SAFB2: variants seen among roughly 807,000 people sequenced by gnomAD.
SAFB2 encodes scaffold attachment factor B2.
SAFB2 carries 32 observed loss-of-function variants against 100.6 expected under a neutral mutation model. The ratio of observed to expected loss-of-function variants is 0.32; its 90% CI spans 0.24 to 0.43. SAFB2 has a LOEUF of 0.43. SAFB2 is among the 20% of genes least tolerant of loss of function. The pLI, the probability that SAFB2 is intolerant of heterozygous loss-of-function variation, is 1.00. For synonymous variants in SAFB2, 500 were observed against 439.4 expected (o/e 1.14, Z -1.72); for missense variants, 1,185 against 1,163.4 (o/e 1.02, Z -0.27).
chr19:5,621,720 G>A (rs758620562), intron 1 of SAFB2, among the ~76,000 whole-genome samples: 4 of 152,232 alleles, frequency 2.6e-5, no homozygotes, highest in Non-Finnish European at 5.9e-5. Context: ...AATTAGAACA[G>A]AGAGGCTGCA....
intron 9 of SAFB2, among the ~76,000 whole-genome samples, chr19:5,607,682 G>A (rs942301102): frequency 3.3e-5 from 5 of 152,246 alleles, no homozygotes; most frequent in African/African-American, 9.6e-5. Context: ...CACCACTGGC[G>A]CGCAGAGTAA....
rs371479617 is a variant in SAFB2 at position 5,598,664 on chromosome 19, C to A, written c.1782+129G>T. 1.6e-5 allele frequency: 12 copies of A among 750,390 alleles called. No homozygotes were observed. The East Asian group carries it at 2.1e-4, about 13-fold the overall frequency. The allele number at this position is 750,390 out of a possible 1,614,324, so 46.5% of individuals were successfully genotyped here. ...TGTGTGTCTGTATCCGCAATCTACA[C>A]AATTATCGCGCCTCCTACAAACTTC... is the stretch of plus-strand genomic sequence containing the variant. On this transcript the variant is annotated intron_variant, in intron 13 of 20. Transcript: ENST00000252542.
Position 5,587,079 on chromosome 19 carries a change from ACATTT to A in SAFB2, c.*159_*163del, listed in dbSNP as rs2052265623. 2 of 876,886 alleles carry A rather than the reference ACATTT, an allele frequency of 2.3e-6. No homozygotes were observed. The highest frequency in any genetic ancestry group is 3.5e-6 in the Non-Finnish European group (2 of 573,620). 54.3% of individuals were successfully genotyped at this position (876,886 alleles called of 1,614,324 possible). A position where few individuals can be genotyped will look rare whatever the true frequency, so the allele number is the denominator to read the frequency against. ...GATTTAAAAATGGCAGAACAAGAAC[ACATTT>A]ATTTAAAAAAAAAAAAAAAGTGAGT... is the stretch of plus-strand genomic sequence containing the variant. On this transcript the variant is annotated 3_prime_UTR_variant, in exon 21 of 21. Coordinates refer to ENST00000252542, the MANE Select transcript of SAFB2 (RefSeq NM_014649.3). The surrounding 1 kb of genome is among the most constrained non-coding windows in gnomAD (Gnocchi z 4.9).
Position 5,587,067 on chromosome 19 carries a change from C to T in SAFB2, c.*176G>A. ...AACAGAAACCTTGATTTAAAAATGGCAGAACAAGAACACATTTATTTAAAA... is the reference window on the plus strand; with the variant it reads ...AACAGAAACCTTGATTTAAAAATGGTAGAACAAGAACACATTTATTTAAAA... On this transcript the variant is annotated 3_prime_UTR_variant, in exon 21 of 21. Coordinates refer to ENST00000252542, the MANE Select transcript of SAFB2 (RefSeq NM_014649.3). This position sits in a 1 kb window ranked among gnomAD's most constrained non-coding sequence, Gnocchi z 4.9. The T allele has an allele frequency of 1.2e-6, 1 of 807,398 alleles. No individual in the cohort carries two copies. Among genetic ancestry groups the T allele is most frequent in the South Asian group, 2.1e-5 (1 of 47,378 alleles). 50.0% of individuals were successfully genotyped at this position (807,398 alleles called of 1,614,324 possible).
intron 9 of SAFB2, among the ~76,000 whole-genome samples, chr19:5,609,051 C>CAAAA (rs60419324): frequency 2.3e-4 from 17 of 72,668 alleles, no homozygotes; most frequent in Non-Finnish European, 3.5e-4. Context: ...GACGCAGTCT[C>CAAAA]AAAAAAAAAA....
chr19:5,587,162 A>G lies in SAFB2; in HGVS notation c.*81T>C, dbSNP rs1319543767. 1 of 1,562,562 alleles carries G rather than the reference A, an allele frequency of 6.4e-7. No homozygotes were observed. The highest frequency in any genetic ancestry group is 1.2e-5 in the South Asian group (1 of 86,446). ...GGCAGGATTTACTTTGCTTTTAAAAAGATCCCCCAAGTTCGAGGGAACCCT... is the reference window on the plus strand; with the variant it reads ...GGCAGGATTTACTTTGCTTTTAAAAGGATCCCCCAAGTTCGAGGGAACCCT... On this transcript the variant is annotated 3_prime_UTR_variant, in exon 21 of 21. Coordinates refer to ENST00000252542, the MANE Select transcript of SAFB2 (RefSeq NM_014649.3). This position sits in a 1 kb window ranked among gnomAD's most constrained non-coding sequence, Gnocchi z 4.9.
At chr19:5,592,630 GA>G in intron 16 of SAFB2, 116 bp downstream of exon 16, 1 of 1,172,810 alleles carries the variant, frequency 8.5e-7, no homozygotes, top group South Asian at 1.5e-5. Context: ...GTGGATCTCA[GA>G]AGTAAACGAG....
At chr19:5,614,926 A>T (rs893139318) in intron 4 of SAFB2, among the ~76,000 whole-genome samples, 1 of 152,176 alleles carries the variant, frequency 6.6e-6, no homozygotes. Context: ...AACAACATTA[A>T]CAGGCTAGGC....
intron 9 of SAFB2, among the ~76,000 whole-genome samples, chr19:5,606,047 G>A (rs2052767748): frequency 6.6e-6 from 1 of 151,632 alleles, no homozygotes; most frequent in African/African-American, 2.4e-5. Flanking sequence ...GAACAATCAG[G>A]AGCAGAGGGA....
intron 2 of SAFB2, 71 bp downstream of exon 2, chr19:5,621,238 G>C: frequency 9.9e-7 from 1 of 1,007,330 alleles, no homozygotes; most frequent in Non-Finnish European, 1.6e-6. Flanking sequence ...TAGAAGGCGG[G>C]AAGAGCACAC....
rs1204173230 is a variant in SAFB2 at position 5,622,679 on chromosome 19, G to C, written c.37C>G (p.Pro13Ala). The C allele has an allele frequency of 3.7e-6, 6 of 1,606,436 alleles. No homozygotes were observed. In the South Asian group the frequency reaches 5.5e-5, roughly 15 times the overall value. The change falls in exon 1 of 21, where the codon CCT (proline) becomes GCT (alanine). Residue 13 changes from proline to alanine, a missense_variant. This residue lies in a region of SAFB2 where 351 missense variants were observed against 341.2 expected (regional missense o/e 1.03). Transcript: ENST00000252542. The stretch of plus-strand genomic sequence containing the variant: ...CCCGGGCCGAGAGAAGCCGTGCCAG[G>C]GCCCGAGTCGCCCGACCCGGGCAGA... Reference protein sequence around the residue: ...ETLPGSGDSGPGTASLGPGVA... With the variant: ...ETLPGSGDSGAGTASLGPGVA...
chr19:5,610,862 AG>A (rs1475334131), intron 7 of SAFB2, 174 bp from the exon 8 acceptor site: 13 of 759,200 alleles, frequency 1.7e-5, no homozygotes, highest in Non-Finnish European at 6.2e-6. Context: ...ATACAATGTC[AG>A]ATTTGTAAAA....
At chr19:5,592,447 AAC>A (rs1335663562) in intron 16 of SAFB2, among the ~76,000 whole-genome samples, 1 of 152,170 alleles carries the variant, frequency 6.6e-6, no homozygotes, top group African/African-American at 2.4e-5. Context: ...TGTGCTGACA[AAC>A]ACTGCTGCCT....
At chr19:5,606,423 C>T (rs1453330172) in intron 9 of SAFB2, among the ~76,000 whole-genome samples, 1 of 152,118 alleles carries the variant, frequency 6.6e-6, no homozygotes, top group Non-Finnish European at 1.5e-5. Context: ...GCCAGGTGTT[C>T]AAAACCAGCC....
In SAFB2 at chr19:5,587,175, T is replaced by C; in HGVS notation, c.*68A>G. 6.3e-7 allele frequency: 1 copy of C among 1,581,288 alleles called. No individual in the cohort carries two copies. Among genetic ancestry groups the C allele is most frequent in the African/African-American group, 1.3e-5 (1 of 74,206 alleles). ...TTGCTTTTAAAAAGATCCCCCAAGTTCGAGGGAACCCTGGCTACCAGATTC... is the reference window on the plus strand; with the variant it reads ...TTGCTTTTAAAAAGATCCCCCAAGTCCGAGGGAACCCTGGCTACCAGATTC... On this transcript the variant is annotated 3_prime_UTR_variant, in exon 21 of 21. Coordinates refer to ENST00000252542, the MANE Select transcript of SAFB2 (RefSeq NM_014649.3). This position sits in a 1 kb window ranked among gnomAD's most constrained non-coding sequence, Gnocchi z 4.9.
chr19:5,621,854 G>A (rs781001733), intron 1 of SAFB2, among the ~76,000 whole-genome samples: 2 of 152,208 alleles, frequency 1.3e-5, no homozygotes, highest in Non-Finnish European at 2.9e-5. Flanking sequence ...GTACCCACAA[G>A]CTCCCTCCCT....
At chr19:5,612,386 C>T (rs892476114) in intron 6 of SAFB2, 154 bp downstream of exon 6, 9 of 712,292 alleles carry the variant, frequency 1.3e-5, no homozygotes, top group South Asian at 5.1e-5. Flanking sequence ...TCTGGTGATA[C>T]GAATGGGTTT....
In SAFB2 at chr19:5,598,848, T is replaced by C. The variant is rs1254634176; in HGVS notation, c.1727A>G (p.Lys576Arg). The change falls in exon 13 of 21, where the codon AAA (lysine) becomes AGA (arginine). Residue 576 changes from lysine (K) to arginine (R), a missense_variant. Lys to Arg is a conservative substitution (Grantham distance 26, BLOSUM62 2). Transcript: ENST00000252542. ...GCTAATGACGGGCTCTCCTTTCGAT[T>C]TATCCATCACGACCGTCCGCTCCAT... is the stretch of plus-strand genomic sequence containing the variant. Reference protein sequence around the residue: ...RGMERTVVMDKSKGEPVISVK... With the variant: ...RGMERTVVMDRSKGEPVISVK... 3 of 1,614,028 alleles carry C rather than the reference T, an allele frequency of 1.9e-6. No individual in the cohort carries two copies. The highest frequency in any genetic ancestry group is 1.7e-6 in the Non-Finnish European group (2 of 1,180,042).
intron 11 of SAFB2, among the ~76,000 whole-genome samples, chr19:5,600,875 T>C (rs2052641380): frequency 6.6e-6 from 1 of 152,186 alleles, no homozygotes; most frequent in Non-Finnish European, 1.5e-5. Flanking sequence ...AGCAGTGAAA[T>C]AAATCATCTT....
Sources: allele counts gnomAD v4.1 joint callset (sites outside exome capture counted in the v4.1 genomes callset), GRCh38; gene constraint gnomAD v4.1.1; regional missense constraint gnomAD v4.1.1; non-coding constraint Gnocchi (gnomAD v3.1); transcripts MANE v1.5; gene names NCBI Gene and HGNC (gene_info 2026-07-23, HGNC 2026-07-21).